The following PARD3B variants were observed in gnomAD, a reference collection of about 807,000 sequenced individuals.
The protein encoded by PARD3B is par-3 family cell polarity regulator beta.
Under a neutral mutation model 130.2 loss-of-function variants are expected in PARD3B, and 103 were observed. The ratio of observed to expected loss-of-function variants is 0.79; its 90% confidence interval spans 0.67 to 0.93. PARD3B has a LOEUF of 0.93. Among genes scored for constraint, PARD3B ranks in the 40% least tolerant of loss-of-function variants. PARD3B has a pLI of 0.00. For synonymous variants in PARD3B, 583 were observed against 553.2 expected (o/e 1.05, Z -0.76); for missense variants, 1,609 against 1,499.2 (o/e 1.07, Z -1.21).
intron 18 of PARD3B, among the ~76,000 whole-genome samples, chr2:205,335,255 C>G (rs1033190738): frequency 1.3e-5 from 2 of 152,216 alleles, no homozygotes; most frequent in African/African-American, 4.8e-5. Context: ...CCTGCCCCAT[C>G]TTTGGAACAT....
At position 205,460,431 on chromosome 2, in the gene PARD3B, GATGATA is replaced by G. The variant is rs916263202; in HGVS notation, c.3044+19760_3044+19765del. 2.4e-4 allele frequency among the ~76,000 whole-genome samples: 36 copies of G among 150,150 alleles called. No homozygotes were observed. The highest frequency in any genetic ancestry group is 4.6e-4 in the Non-Finnish European group (31 of 67,926). On this transcript the variant is annotated intron_variant, in intron 20 of 22. Transcript: ENST00000406610. This position sits in a 1 kb window ranked among gnomAD's most constrained non-coding sequence, Gnocchi z 4.9. ...TGATGATGATGATGATGATGATGAT[GATGATA>G]GTCAATAGTAGTATTTATTGTATAT... is the stretch of plus-strand genomic sequence containing the variant.
rs1035594693 is a variant in PARD3B at position 205,617,847 on chromosome 2, G to A, written c.*2034G>A. 1 of 152,204 alleles carries A rather than the reference G, an allele frequency of 6.6e-6. No homozygotes were observed. 9.4% of individuals were successfully genotyped at this position (152,204 alleles called of 1,614,324 possible). A position where few individuals can be genotyped will look rare whatever the true frequency, so the allele number is the denominator to read the frequency against. ...ACTTGTTTTGAAGCATTAAAAACCAGCAGCTCTTCACTATGTTCCATATTT... is the reference window on the plus strand; with the variant it reads ...ACTTGTTTTGAAGCATTAAAAACCAACAGCTCTTCACTATGTTCCATATTT... On this transcript the variant is annotated 3_prime_UTR_variant, in exon 23 of 23. Coordinates refer to ENST00000406610, the MANE Select transcript of PARD3B (RefSeq NM_001302769.2).
rs1014545974 is a variant in PARD3B, at chr2:205,241,095, G to C, written c.2141-4683G>C. Among the ~76,000 whole-genome samples, 2 of 152,086 alleles carry C rather than the reference G, an allele frequency of 1.3e-5. No individual in the cohort carries two copies. The highest frequency in any genetic ancestry group is 2.9e-5 in the Non-Finnish European group (2 of 67,990). On this transcript the variant is annotated intron_variant, in intron 15 of 22. Transcript: ENST00000406610. The surrounding 1 kb of genome is among the most constrained non-coding windows in gnomAD (Gnocchi z 4.2). ...TTTTTAAAAAGATGCCATTGATGCT[G>C]GGCAGTTCTAATTAGCTTCAAAGGC...
chr2:204,939,124 A>AT (rs199596778), intron 2 of PARD3B, among the ~76,000 whole-genome samples: 7,848 of 151,384 alleles, frequency 0.052, 267 homozygotes, highest in African/African-American at 0.089. Flanking sequence ...TCACAAGTGC[A>AT]TTTTTTTTTC....
intron 4 of PARD3B, among the ~76,000 whole-genome samples, chr2:205,059,365 C>A (rs1202745835): frequency 6.6e-6 from 1 of 152,012 alleles, no homozygotes; most frequent in Non-Finnish European, 1.5e-5. Context: ...TATAATTTTT[C>A]ACATGTGCAA....
At chr2:204,836,038 A>G (rs568133152) in intron 2 of PARD3B, among the ~76,000 whole-genome samples, 29 of 152,334 alleles carry the variant, frequency 1.9e-4, no homozygotes, top group South Asian at 1.4e-3. Flanking sequence ...ATGAACATGA[A>G]GTGAAGGATG....
intron 16 of PARD3B, among the ~76,000 whole-genome samples, chr2:205,257,785 G>T (rs1448588954): frequency 6.6e-6 from 1 of 152,122 alleles, no homozygotes; most frequent in African/African-American, 2.4e-5. Flanking sequence ...GGTTTGAAAA[G>T]CACTGATTAA....
At chr2:204,597,803 A>G (rs988805792) in intron 1 of PARD3B, among the ~76,000 whole-genome samples, 2 of 152,192 alleles carry the variant, frequency 1.3e-5, no homozygotes, top group Non-Finnish European at 2.9e-5. Context: ...GACCCTTGGT[A>G]TTATGAAGAG....
chr2:205,346,405 G>T (rs1469983414), intron 18 of PARD3B, among the ~76,000 whole-genome samples: 1 of 151,822 alleles, frequency 6.6e-6, no homozygotes, highest in Non-Finnish European at 1.5e-5. Flanking sequence ...ATTTAGTATT[G>T]TGATTATTCA....
At chr2:205,522,373 TTTTTTATTTAAG>T (rs1387623791) in intron 21 of PARD3B, among the ~76,000 whole-genome samples, 1 of 150,760 alleles carries the variant, frequency 6.6e-6, no homozygotes, top group South Asian at 2.1e-4. Context: ...AGGAATTAGG[TTTTTTATTTAAG>T]TTTTTATTAT....
At chr2:205,254,470 C>T (rs1407034402) in intron 16 of PARD3B, among the ~76,000 whole-genome samples, 1 of 151,866 alleles carries the variant, frequency 6.6e-6, no homozygotes, top group Non-Finnish European at 1.5e-5. Flanking sequence ...ATTGGTTTTC[C>T]TAATATTGCT....
chr2:205,158,661 G>T lies in PARD3B; in HGVS notation c.1435-61G>T. On this transcript the variant is annotated intron_variant, in intron 10 of 22. Transcript: ENST00000406610. This position sits in a 1 kb window ranked among gnomAD's most constrained non-coding sequence, Gnocchi z 5.4. Reference sequence around the variant, plus strand: ...ATTGCATCTGTGTCTGGTCATCTGAGAGAGTGAAATATTAATCTGCTTTCT... The same window carrying T: ...ATTGCATCTGTGTCTGGTCATCTGATAGAGTGAAATATTAATCTGCTTTCT... 6.8e-7 allele frequency: 1 copy of T among 1,465,940 alleles called. No individual in the cohort carries two copies. The allele number at this position is 1,465,940 out of a possible 1,614,324, so 90.8% of individuals were successfully genotyped here.
At chr2:205,035,352 C>T (rs965704463) in intron 3 of PARD3B, among the ~76,000 whole-genome samples, 1 of 152,160 alleles carries the variant, frequency 6.6e-6, no homozygotes, top group Non-Finnish European at 1.5e-5. Context: ...TTGTGTCTTA[C>T]TAGCGTGGGA....
At chr2:204,762,030 G>C (rs1259066098) in intron 2 of PARD3B, among the ~76,000 whole-genome samples, 2 of 149,928 alleles carry the variant, frequency 1.3e-5, no homozygotes, top group South Asian at 4.2e-4. Flanking sequence ...TCTTGCCATT[G>C]AGCCCACAAT....
chr2:204,958,954 T>C (rs1469339070), intron 2 of PARD3B, among the ~76,000 whole-genome samples: 1 of 152,202 alleles, frequency 6.6e-6, no homozygotes, highest in African/African-American at 2.4e-5. Flanking sequence ...TATCCAAAGT[T>C]CTTTTTTATT....
At chr2:205,163,085 A>G (rs1218644153) in intron 11 of PARD3B, among the ~76,000 whole-genome samples, 1 of 152,204 alleles carries the variant, frequency 6.6e-6, no homozygotes, top group Non-Finnish European at 1.5e-5. Flanking sequence ...AGATATTGTA[A>G]GAACACACTG....
chr2:205,440,712 GTA>G lies in PARD3B; in HGVS notation c.3044+42_3044+43del, dbSNP rs773838011. The G allele has an allele frequency of 6.4e-7, 1 of 1,558,298 alleles. No individual in the cohort carries two copies. The highest frequency in any genetic ancestry group is 1.1e-5 in the South Asian group (1 of 88,214). ...GAAAGATAAATGTAGCTTTAATTCA[GTA>G]TGTTTCAAATCATCTCTACTGCTGA... On this transcript the variant is annotated intron_variant, in intron 20 of 22. Coordinates refer to ENST00000406610, the MANE Select transcript of PARD3B (RefSeq NM_001302769.2). The surrounding 1 kb of genome is among the most constrained non-coding windows in gnomAD (Gnocchi z 4.2).
chr2:204,565,578 TATTGAG>T, intron 1 of PARD3B, among the ~76,000 whole-genome samples: 1 of 152,328 alleles, frequency 6.6e-6, no homozygotes, highest in East Asian at 1.9e-4. Flanking sequence ...AACATCTAAG[TATTGAG>T]AAGCTATCAA....
intron 2 of PARD3B, among the ~76,000 whole-genome samples, chr2:204,774,685 C>G (rs1475372728): frequency 6.6e-6 from 1 of 152,094 alleles, no homozygotes; most frequent in Non-Finnish European, 1.5e-5. Context: ...GGAAAATACA[C>G]TTTGATTTAT....
Sources: allele counts gnomAD v4.1 joint callset (sites outside exome capture counted in the v4.1 genomes callset), GRCh38; gene constraint gnomAD v4.1.1; non-coding constraint Gnocchi (gnomAD v3.1); transcripts MANE v1.5; gene names NCBI Gene and HGNC (gene_info 2026-07-23, HGNC 2026-07-21).